RFC1: variants seen among roughly 807,000 people sequenced by gnomAD.
RFC1 encodes A1 140 kDa subunit.
Under a neutral mutation model 137.4 loss-of-function variants are expected in RFC1, and 37 were observed. That is an observed-to-expected ratio of 0.27 (90% confidence interval 0.21 to 0.35). RFC1 has a LOEUF of 0.35. RFC1 is among the 10% of genes least tolerant of loss of function. The pLI, the probability that RFC1 is intolerant of heterozygous loss-of-function variation, is 1.00. For missense variants in RFC1, 1,205 were observed against 1,358.5 expected, an observed-to-expected ratio of 0.89 and a Z score of 1.78; for synonymous variants, 429 against 455.7, an observed-to-expected ratio of 0.94 and a Z score of 0.75.
intron 4 of RFC1, among the ~76,000 whole-genome samples, chr4:39,329,992 C>A (rs1437657228): frequency 6.6e-6 from 1 of 151,982 alleles, no homozygotes; most frequent in Non-Finnish European, 1.5e-5. Flanking sequence ...TGAGATTGCA[C>A]CACTGCACTC....
intron 4 of RFC1, among the ~76,000 whole-genome samples, chr4:39,337,252 T>C (rs1006174917): frequency 6.6e-6 from 1 of 151,970 alleles, no homozygotes; most frequent in Non-Finnish European, 1.5e-5. Context: ...TGCACGCCTG[T>C]AATCTCAGCT....
intron 11 of RFC1, among the ~76,000 whole-genome samples, chr4:39,311,992 G>A (rs191464329): frequency 3.9e-5 from 6 of 152,186 alleles, no homozygotes; most frequent in South Asian, 4.1e-4. Context: ...AACCAGAAAC[G>A]TCTTGGTTCT....
At chr4:39,328,994 T>C (rs1739930087) in intron 4 of RFC1, among the ~76,000 whole-genome samples, 1 of 151,872 alleles carries the variant, frequency 6.6e-6, no homozygotes. Flanking sequence ...ACATTTTATT[T>C]TTCTAAAAAG....
intron 7 of RFC1, among the ~76,000 whole-genome samples, chr4:39,321,984 G>A (rs989814928): frequency 2.7e-4 from 41 of 151,956 alleles, no homozygotes; most frequent in African/African-American, 9.2e-4. Flanking sequence ...ATGTATCTAG[G>A]TTTACAACTC....
chr4:39,349,775 C>A (rs1741091951), intron 2 of RFC1, among the ~76,000 whole-genome samples: 1 of 152,182 alleles, frequency 6.6e-6, no homozygotes, highest in African/African-American at 2.4e-5. Context: ...GAGGCCGAGG[C>A]AGGTAGATCA....
chr4:39,293,115 G>C (rs376641716), intron 22 of RFC1, among the ~76,000 whole-genome samples: 1 of 151,986 alleles, frequency 6.6e-6, no homozygotes, highest in African/African-American at 2.4e-5. Flanking sequence ...ACTCACCCTC[G>C]CAACTATTAC....
intron 22 of RFC1, among the ~76,000 whole-genome samples, chr4:39,294,534 G>C (rs1454066286): frequency 6.6e-6 from 1 of 152,080 alleles, no homozygotes; most frequent in Non-Finnish European, 1.5e-5. Flanking sequence ...AGCCAGGTGT[G>C]GTGGCATGCA....
Position 39,346,736 on chromosome 4 carries a change from T to C in RFC1, c.133-1260A>G, listed in dbSNP as rs565875752. Among the ~76,000 whole-genome samples, 8 of 152,280 alleles carry C rather than the reference T, an allele frequency of 5.3e-5. No individual in the cohort carries two copies. The South Asian group carries it at 1.7e-3, about 32-fold the overall frequency. ...AGCAATTATAATTTATATATACCACTGGATCAAGGACAGAGTCAGAATCAA... is the reference window on the plus strand; with the variant it reads ...AGCAATTATAATTTATATATACCACCGGATCAAGGACAGAGTCAGAATCAA... On this transcript the variant is annotated intron_variant, in intron 2 of 24. Coordinates refer to ENST00000349703, the MANE Select transcript of RFC1 (RefSeq NM_002913.5).
At chr4:39,299,644 A>C (rs1441641215) in intron 21 of RFC1, among the ~76,000 whole-genome samples, 1 of 151,846 alleles carries the variant, frequency 6.6e-6, no homozygotes, top group East Asian at 1.9e-4. Context: ...GAAAGAAAAA[A>C]GAAAAATAAG....
chr4:39,311,446 T>C lies in RFC1; in HGVS notation c.1487A>G (p.Glu496Gly), dbSNP rs750377380. Residue 496 changes from glutamate to glycine, a missense_variant and splice_region_variant, in exon 12 of 25, where the codon GAG becomes GGG. By Grantham distance (98) the Glu-to-Gly change is moderately conservative. This residue lies in a region of RFC1 where 962 missense variants were observed against 1,035.3 expected (regional missense o/e 0.93). Coordinates refer to ENST00000349703, the MANE Select transcript of RFC1 (RefSeq NM_002913.5). Reference sequence around the variant, plus strand: ...AAATCACATTCATTTTATACGAACCTCAGTTTCAACTGCTATTTCATACTT... The same window carrying C: ...AAATCACATTCATTTTATACGAACCCCAGTTTCAACTGCTATTTCATACTT... The part of the protein sequence containing the change: ...KSKYEIAVET[E>G]MKKESKLERT... 1 of 1,611,476 alleles carries C rather than the reference T, an allele frequency of 6.2e-7. No homozygotes were observed. Among genetic ancestry groups the C allele is most frequent in the South Asian group, 1.1e-5 (1 of 90,948 alleles).
In RFC1 at chr4:39,308,647, T is replaced by C. The variant is rs148725208; in HGVS notation, c.1874A>G (p.Asp625Gly). 1.2e-6 allele frequency: 2 copies of C among 1,608,738 alleles called. No homozygotes were observed. Among genetic ancestry groups the C allele is most frequent in the Non-Finnish European group, 1.7e-6 (2 of 1,176,418 alleles). The change falls in exon 13 of 25, where the codon GAT becomes GGT. Residue 625 changes from aspartate to glycine, a missense_variant. Around this residue, in one of 3 missense-constraint regions of RFC1, gnomAD observed 962 missense variants for 1,035.3 expected, o/e 0.93. Coordinates refer to ENST00000349703, the MANE Select transcript of RFC1 (RefSeq NM_002913.5). Reference sequence around the variant, plus strand: ...GGTTGTAAAATCACCGTGTTTTTTATCTTCGGAAGAACTCTTTTGCCAGTT... The same window carrying C: ...GGTTGTAAAATCACCGTGTTTTTTACCTTCGGAAGAACTCTTTTGCCAGTT... ...LRNWQKSSSE[D>G]KKHAKFGKFS...
chr4:39,349,106 T>C (rs193116138), intron 2 of RFC1, among the ~76,000 whole-genome samples: 84 of 152,314 alleles, frequency 5.5e-4, no homozygotes, highest in Non-Finnish European at 7.5e-4. Flanking sequence ...ACCTCAAGTA[T>C]CACCCATATC....
chr4:39,326,751 A>C (rs1389830022), intron 5 of RFC1, 111 bp from the exon 6 acceptor site: 4 of 778,590 alleles, frequency 5.1e-6, no homozygotes, highest in Admixed American at 2.3e-5. Context: ...AAGTGTATCT[A>C]TCAGTAACAG....
At chr4:39,294,395 G>A (rs972768940) in intron 22 of RFC1, among the ~76,000 whole-genome samples, 2 of 152,310 alleles carry the variant, frequency 1.3e-5, no homozygotes, top group Admixed American at 6.5e-5. Flanking sequence ...TCCAGGGGCC[G>A]GGCGTGTGGC....
chr4:39,342,159 C>G (rs113265116), intron 4 of RFC1, among the ~76,000 whole-genome samples, 186 bp downstream of exon 4: 116 of 152,296 alleles, frequency 7.6e-4, no homozygotes, highest in Middle Eastern at 3.4e-3. Flanking sequence ...AGCAATTTCC[C>G]TGTAATTGGT....
In RFC1 at chr4:39,308,931, C is replaced by T. The variant is rs113224538; in HGVS notation, c.1590G>A (p.Arg530=). Residue 530 remains arginine (R), a synonymous_variant, in exon 13 of 25, where the codon AGG becomes AGA. Transcript: ENST00000349703. ...SKKESESKKS[R]PTSKRDSLAK... ...CCAAACTGTCCCTTTTGGAAGTCGG[C>T]CTGCTCTTTTTAGATTCTGATTCCT... 2 of 1,614,112 alleles carry T rather than the reference C, an allele frequency of 1.2e-6. No individual in the cohort carries two copies. Among genetic ancestry groups the T allele is most frequent in the Non-Finnish European group, 1.7e-6 (2 of 1,180,024 alleles).
intron 1 of RFC1, among the ~76,000 whole-genome samples, chr4:39,364,479 G>C (rs1328212035): frequency 6.6e-6 from 1 of 152,124 alleles, no homozygotes; most frequent in African/African-American, 2.4e-5. Context: ...TCTTTTCTGA[G>C]AAGAGGTCTA....
intron 4 of RFC1, among the ~76,000 whole-genome samples, 185 bp from the exon 5 acceptor site, chr4:39,327,941 G>C (rs1490053807): frequency 6.6e-6 from 1 of 152,014 alleles, no homozygotes; most frequent in Non-Finnish European, 1.5e-5. Flanking sequence ...AGACCAGTCT[G>C]GGCAACATCA....
At chr4:39,361,373 C>G (rs1264102122) in intron 1 of RFC1, among the ~76,000 whole-genome samples, 2 of 152,000 alleles carry the variant, frequency 1.3e-5, no homozygotes, top group African/African-American at 4.8e-5. Flanking sequence ...TGGGTAACAG[C>G]GCGACTGCGT....
Sources: allele counts gnomAD v4.1 joint callset (sites outside exome capture counted in the v4.1 genomes callset), GRCh38; gene constraint gnomAD v4.1.1; regional missense constraint gnomAD v4.1.1; transcripts MANE v1.5; gene names NCBI Gene and HGNC (gene_info 2026-07-23, HGNC 2026-07-21).